Variants in PLXDC2 observed in about 807,000 individuals in gnomAD.
The protein encoded by PLXDC2 is plexin domain containing 2, also known as plexin domain-containing protein 2.
PLXDC2 carries 40 observed loss-of-function variants against 68.9 expected under a neutral mutation model. The ratio of observed to expected loss-of-function variants is 0.58; its 90% CI spans 0.45 to 0.76. The LOEUF (loss-of-function observed/expected upper bound fraction) is 0.76. PLXDC2 is among the 30% of genes least tolerant of loss of function. The pLI, the probability that PLXDC2 is intolerant of heterozygous loss-of-function variation, is 0.00. For missense variants in PLXDC2, 644 were observed against 661.9 expected (o/e 0.97, Z 0.30); for synonymous variants, 243 against 234.2 (o/e 1.04, Z -0.34).
intron 6 of PLXDC2, among the ~76,000 whole-genome samples, chr10:20,148,312 A>G (rs762584186): frequency 6.6e-6 from 1 of 150,860 alleles, no homozygotes; most frequent in Admixed American, 6.6e-5. Flanking sequence ...TTTTGGTTCT[A>G]ATTTCAAAAG....
At chr10:20,169,393 T>A (rs1395045900) in intron 7 of PLXDC2, among the ~76,000 whole-genome samples, 1 of 152,220 alleles carries the variant, frequency 6.6e-6, no homozygotes, top group East Asian at 1.9e-4. Flanking sequence ...CAGAAAGTTT[T>A]AACACCGTCA....
At chr10:20,039,200 C>T (rs542956802) in intron 2 of PLXDC2, among the ~76,000 whole-genome samples, 2 of 152,206 alleles carry the variant, frequency 1.3e-5, no homozygotes, top group South Asian at 2.1e-4. Flanking sequence ...AGCTGTGTGT[C>T]CAGTTTACTG....
At chr10:19,834,278 A>G (rs1337851495) in intron 1 of PLXDC2, among the ~76,000 whole-genome samples, 1 of 152,126 alleles carries the variant, frequency 6.6e-6, no homozygotes, top group Admixed American at 6.6e-5. Context: ...GCCTTTGGCA[A>G]GGCCCCTGGT....
chr10:19,986,224 A>G (rs1190178222), intron 1 of PLXDC2, among the ~76,000 whole-genome samples: 4 of 152,180 alleles, frequency 2.6e-5, no homozygotes, highest in Non-Finnish European at 5.9e-5. Context: ...CGTATTATGA[A>G]CTAGTGAGAG....
intron 1 of PLXDC2, among the ~76,000 whole-genome samples, chr10:19,944,690 C>T (rs1465557746): frequency 6.6e-6 from 1 of 152,166 alleles, no homozygotes; most frequent in African/African-American, 2.4e-5. Context: ...GTGGCTCACG[C>T]CTGTAATCCC....
Position 19,951,986 on chromosome 10 carries a change from A to G in PLXDC2, c.113-49789A>G, listed in dbSNP as rs80113151. On this transcript the variant is annotated intron_variant, in intron 1 of 13. Transcript: ENST00000377252. ...TAAAGATGGCAACAGTAGACACAGG[A>G]GACTACACGGTGAGGGGGGAAGGAA... Among the ~76,000 whole-genome samples the G allele has an allele frequency of 7.4e-3, 1,121 of 151,930 alleles. 8 individuals carry two copies. Among genetic ancestry groups the G allele is most frequent in the Non-Finnish European group, 9.0e-3 (610 of 67,904 alleles).
chr10:20,123,935 G>A (rs1043573979), intron 4 of PLXDC2, among the ~76,000 whole-genome samples: 2 of 151,902 alleles, frequency 1.3e-5, no homozygotes, highest in African/African-American at 2.4e-5. Context: ...AAGGGGTTGG[G>A]GTAATTATCC....
intron 6 of PLXDC2, among the ~76,000 whole-genome samples, chr10:20,148,597 T>C (rs894015475): frequency 1.3e-5 from 2 of 152,178 alleles, no homozygotes; most frequent in African/African-American, 2.4e-5. Flanking sequence ...TCTGACAAAG[T>C]AAGTAAGGCC....
At chr10:20,138,811 G>T (rs1833965377) in intron 4 of PLXDC2, among the ~76,000 whole-genome samples, 1 of 152,098 alleles carries the variant, frequency 6.6e-6, no homozygotes, top group Non-Finnish European at 1.5e-5. Context: ...CACTCAGGAG[G>T]CTGAGACAGG....
chr10:20,260,601 G>A (rs1417417061), intron 13 of PLXDC2, among the ~76,000 whole-genome samples: 1 of 152,098 alleles, frequency 6.6e-6, no homozygotes, highest in Non-Finnish European at 1.5e-5. Context: ...ACCTGTCGAT[G>A]GACACTTCTG....
intron 3 of PLXDC2, among the ~76,000 whole-genome samples, chr10:20,063,041 G>A (rs1235923839): frequency 6.6e-6 from 1 of 151,786 alleles, no homozygotes; most frequent in Non-Finnish European, 1.5e-5. Context: ...TTACTAATAA[G>A]AATAACATCT....
At chr10:20,165,128 C>T (rs886376712) in intron 7 of PLXDC2, among the ~76,000 whole-genome samples, 2 of 152,084 alleles carry the variant, frequency 1.3e-5, no homozygotes, top group African/African-American at 4.8e-5. Context: ...CAGCCAGATT[C>T]TTTGGGATAG....
chr10:20,031,994 T>G (rs1436251561), intron 2 of PLXDC2, among the ~76,000 whole-genome samples: 1 of 152,032 alleles, frequency 6.6e-6, no homozygotes, highest in Non-Finnish European at 1.5e-5. Flanking sequence ...TAATTTTTTG[T>G]ATTTTTTGTA....
At chr10:19,839,446 C>T (rs1222509025) in intron 1 of PLXDC2, among the ~76,000 whole-genome samples, 1 of 152,032 alleles carries the variant, frequency 6.6e-6, no homozygotes, top group Non-Finnish European at 1.5e-5. Flanking sequence ...CCAATGTGGC[C>T]CAGGGAAGCC....
chr10:20,049,159 C>T (rs1379234672), intron 3 of PLXDC2, among the ~76,000 whole-genome samples: 3 of 152,044 alleles, frequency 2.0e-5, no homozygotes, highest in African/African-American at 7.2e-5. Context: ...CAAAATTCAA[C>T]ACCCTTCATG....
chr10:20,190,601 AT>A (rs1834752287), intron 9 of PLXDC2, among the ~76,000 whole-genome samples: 1 of 7,318 alleles, frequency 1.4e-4, no homozygotes, highest in Non-Finnish European at 3.6e-4. Flanking sequence ...TGTAATAAAT[AT>A]ATATATATAT....
In PLXDC2 at chr10:20,196,665, C is replaced by T. The variant is rs113615236; in HGVS notation, c.1062-15004C>T. On this transcript the variant is annotated intron_variant, in intron 9 of 13. Coordinates refer to ENST00000377252, the MANE Select transcript of PLXDC2 (RefSeq NM_032812.9). ...TGCATGCAATTCTAAAGTTCATGTT[C>T]CTTCCACTAAATAATGCAGCTTCAA... 3.3e-3 allele frequency among the ~76,000 whole-genome samples: 509 copies of T among 152,258 alleles called. 2 individuals carry two copies. The highest frequency in any genetic ancestry group is 0.011 in the African/African-American group (442 of 41,556).
At chr10:20,066,833 A>G (rs2131705155) in intron 3 of PLXDC2, among the ~76,000 whole-genome samples, 1 of 152,286 alleles carries the variant, frequency 6.6e-6, no homozygotes, top group African/African-American at 2.4e-5. Context: ...CTACATTAAA[A>G]ATTTGTGTAT....
chr10:19,830,908 T>A (rs1048829995), intron 1 of PLXDC2, among the ~76,000 whole-genome samples: 3 of 152,186 alleles, frequency 2.0e-5, no homozygotes, highest in Non-Finnish European at 4.4e-5. Flanking sequence ...TGTTTAATTA[T>A]ATTGCTATTT....
Sources: gnomAD v4.1 joint callset for allele counts (sites outside exome capture counted in the v4.1 genomes callset) on GRCh38, gnomAD v4.1.1 for gene constraint, MANE v1.5 for transcripts, NCBI Gene and HGNC (gene_info 2026-07-23, HGNC 2026-07-21) for gene names.